The following ZNF101 variants were observed in gnomAD, a reference collection of about 807,000 sequenced individuals.
ZNF101 encodes zinc finger protein 101, also known as zinc finger protein 101 (Y2).
ZNF101 carries 34 observed loss-of-function variants against 42.6 expected under a neutral mutation model. The ratio of observed to expected loss-of-function variants is 0.80; its 90% CI spans 0.61 to 1.06. The LOEUF is 1.06. Ranked by LOEUF, ZNF101 falls within the 50% of genes least tolerant of loss-of-function variation. The pLI is 0.00. For missense variants in ZNF101, 466 were observed against 530.9 expected (o/e 0.88, Z 1.20); for synonymous variants, 158 against 183.9 (o/e 0.86, Z 1.14).
In ZNF101 at chr19:19,680,781, G is replaced by C. The variant is rs1429112808; in HGVS notation, c.*481G>C. Reference sequence around the variant, plus strand: ...CTAAAAATACAAAAATTAGCCAGGCGTGGTGGTGTGTGCCTGTAGTCCCAG... The same window carrying C: ...CTAAAAATACAAAAATTAGCCAGGCCTGGTGGTGTGTGCCTGTAGTCCCAG... On this transcript the variant is annotated 3_prime_UTR_variant, in exon 4 of 4. Transcript: ENST00000592502. 3.3e-5 allele frequency: 5 copies of C among 150,436 alleles called. No individual in the cohort carries two copies. The Admixed American group carries it at 3.3e-4, about 10-fold the overall frequency. 9.3% of individuals were successfully genotyped at this position (150,436 alleles called of 1,614,324 possible).
At chr19:19,678,655 G>T in intron 2 of ZNF101, 71 bp from the exon 3 acceptor site, 3 of 1,290,886 alleles carry the variant, frequency 2.3e-6, no homozygotes, top group Non-Finnish European at 3.2e-6. Flanking sequence ...AGTGTTTAAT[G>T]AACTTAGAAC....
chr19:19,668,631 G>A (rs1032781360), upstream of ZNF101, among the ~76,000 whole-genome samples: 1 of 152,210 alleles, frequency 6.6e-6, no homozygotes, highest in East Asian at 1.9e-4. Flanking sequence ...CCAGCGAGGG[G>A]CTGTGGGTAG....
Position 19,679,603 on chromosome 19 carries a change from C to T in ZNF101, c.614C>T (p.Ala205Val). 1 of 1,613,300 alleles carries T rather than the reference C, an allele frequency of 6.2e-7. No homozygotes were observed. Among genetic ancestry groups the T allele is most frequent in the Non-Finnish European group, 8.5e-7 (1 of 1,179,582 alleles). Reference sequence around the variant, plus strand: ...TATAAATGTAGGGAAATAGTGAGAGCCTTCACAGTTTCCAGTTTCTTTCGA... The same window carrying T: ...TATAAATGTAGGGAAATAGTGAGAGTCTTCACAGTTTCCAGTTTCTTTCGA... ...RSYKCREIVR[A>V]FTVSSFFRKH... Residue 205 changes from alanine to valine, a missense_variant, in exon 4 of 4, where the codon GCC becomes GTC. Ala to Val is a moderately conservative substitution (Grantham distance 64, BLOSUM62 0). Transcript: ENST00000592502.
rs368627893 is a variant in ZNF101, at chr19:19,680,261, T to C, written c.1272T>C (p.Phe424=). Residue 424 remains phenylalanine, a synonymous_variant, in exon 4 of 4, where the codon TTT becomes TTC. Transcript: ENST00000592502. Reference sequence around the variant, plus strand: ...ATTTGGCCGGGCGTAGCCAGTGCTTTGGCAGGAGGCAGGGGGATCACCTGA... The same window carrying C: ...ATTTGGCCGGGCGTAGCCAGTGCTTCGGCAGGAGGCAGGGGGATCACCTGA... The part of the protein sequence containing the change: ...RTHLAGRSQC[F]GRRQGDHLSP... 2 of 1,541,714 alleles carry C rather than the reference T, an allele frequency of 1.3e-6. No homozygotes were observed. The highest frequency in any genetic ancestry group is 2.8e-5 in the African/African-American group (2 of 72,312).
rs1568434852 is a variant in ZNF101, at chr19:19,668,948, C to CA, written c.-15dup. Reference sequence around the variant, plus strand: ...CTCCAGCCCCAGGAAGGACCCAGGACACCCGGAAGCCGGAAATGGTGAGCG... The same window carrying CA: ...CTCCAGCCCCAGGAAGGACCCAGGACAACCCGGAAGCCGGAAATGGTGAGCG... On this transcript the variant is annotated 5_prime_UTR_variant, in exon 1 of 4. Coordinates refer to ENST00000592502, the MANE Select transcript of ZNF101 (RefSeq NM_033204.4). 9.4e-6 allele frequency: 15 copies of CA among 1,587,820 alleles called. No individual in the cohort carries two copies. The highest frequency in any genetic ancestry group is 1.2e-5 in the Non-Finnish European group (14 of 1,167,694).
In ZNF101 at chr19:19,673,897, G is replaced by T. The variant is rs565976629; in HGVS notation, c.4-3967G>T. Among the ~76,000 whole-genome samples, 4 of 151,504 alleles carry T rather than the reference G, an allele frequency of 2.6e-5. No individual in the cohort carries two copies. In the South Asian group the frequency reaches 6.3e-4, roughly 24 times the overall value. On this transcript the variant is annotated intron_variant, in intron 1 of 3. Coordinates refer to ENST00000592502, the MANE Select transcript of ZNF101 (RefSeq NM_033204.4). ...CAACCTCTGTCTCCTGAGTTCAAGC[G>T]ATTCTCCTGCCTCAGCCTCCCAAGT... is the stretch of plus-strand genomic sequence containing the variant.
chr19:19,668,762 A>T, upstream of ZNF101: 2 of 578,228 alleles, frequency 3.5e-6, no homozygotes, highest in Non-Finnish European at 5.8e-6. Flanking sequence ...GCTGTGCGGC[A>T]AACTGTCCAA....
intron 1 of ZNF101, among the ~76,000 whole-genome samples, chr19:19,671,687 G>T (rs1425409564): frequency 6.6e-6 from 1 of 152,022 alleles, no homozygotes; most frequent in Non-Finnish European, 1.5e-5. Flanking sequence ...TTTTAGTAGA[G>T]ACGGGGTTTC....
chr19:19,679,369 A>T lies in ZNF101; in HGVS notation c.380A>T (p.His127Leu). The T allele has an allele frequency of 6.2e-7, 1 of 1,614,136 alleles. No homozygotes were observed. The highest frequency in any genetic ancestry group is 8.5e-7 in the Non-Finnish European group (1 of 1,180,024). The change falls in exon 4 of 4, where the codon CAC becomes CTC. Residue 127 changes from histidine to leucine, a missense_variant. Coordinates refer to ENST00000592502, the MANE Select transcript of ZNF101 (RefSeq NM_033204.4). ...AGGCACATGAGAGCTCATGCTGGAC[A>T]CAAACGATCTGAGTGTGGTGGGGAA... is the stretch of plus-strand genomic sequence containing the variant. ...LDRHMRAHAG[H>L]KRSECGGEWR...
At chr19:19,670,585 C>G (rs1324239411) in intron 1 of ZNF101, among the ~76,000 whole-genome samples, 3 of 151,912 alleles carry the variant, frequency 2.0e-5, no homozygotes, top group Admixed American at 6.6e-5. Context: ...GGCGAGACCC[C>G]ATTTCTACAA....
chr19:19,672,155 T>A (rs2062174682), intron 1 of ZNF101: 1 of 148,502 alleles, frequency 6.7e-6, no homozygotes. Context: ...ATAAATTTTA[T>A]GTATGATTAT....
Position 19,679,851 on chromosome 19 carries a change from G to C in ZNF101, c.862G>C (p.Gly288Arg), listed in dbSNP as rs1331359055. ...LEKSHQCQEC[G>R]KKLSCSSSLH... ...GAAATCCCACCAATGTCAGGAATGTGGGAAAAAACTCAGTTGTTCCAGTTC... is the reference window on the plus strand; with the variant it reads ...GAAATCCCACCAATGTCAGGAATGTCGGAAAAAACTCAGTTGTTCCAGTTC... The change falls in exon 4 of 4, where the codon GGG (glycine) becomes CGG (arginine). Residue 288 changes from glycine to arginine, a missense_variant. Gly to Arg is a moderately radical substitution (Grantham distance 125). Transcript: ENST00000592502. The C allele has an allele frequency of 6.2e-7, 1 of 1,614,012 alleles. No homozygotes were observed. The highest frequency in any genetic ancestry group is 1.7e-5 in the Admixed American group (1 of 60,000).
At chr19:19,678,163 G>A (rs1199212093) in intron 2 of ZNF101, among the ~76,000 whole-genome samples, 173 bp downstream of exon 2, 1 of 151,656 alleles carries the variant, frequency 6.6e-6, no homozygotes, top group Non-Finnish European at 1.5e-5. Context: ...AAGCCACGGT[G>A]GGAAGATTGC....
intron 1 of ZNF101, chr19:19,676,937 A>G (rs2062206115): frequency 6.6e-6 from 1 of 152,144 alleles, no homozygotes; most frequent in Non-Finnish European, 1.5e-5. Flanking sequence ...ACCCAGCTGT[A>G]TTGGGTATTT....
At chr19:19,672,714 A>C (rs562531580) in intron 1 of ZNF101, among the ~76,000 whole-genome samples, 2 of 152,034 alleles carry the variant, frequency 1.3e-5, no homozygotes, top group Non-Finnish European at 2.9e-5. Flanking sequence ...TTTAGTAGAC[A>C]CGGGGTTTCA....
rs1278475380 is a variant in ZNF101, at chr19:19,679,311, G to A, written c.322G>A (p.Gly108Arg). ...GAAACCATGCAAATGCAGCGTGTGTGGGAAAGTCTTCCTCCGTCATTCATT... is the reference window on the plus strand; with the variant it reads ...GAAACCATGCAAATGCAGCGTGTGTAGGAAAGTCTTCCTCCGTCATTCATT... Reference protein sequence around the residue: ...GVKPCKCSVCGKVFLRHSFLD... With the variant: ...GVKPCKCSVCRKVFLRHSFLD... Residue 108 changes from glycine (G) to arginine (R), a missense_variant, in exon 4 of 4, where the codon GGG becomes AGG. Physicochemically the swap from Gly to Arg is moderately radical, Grantham distance 125 (BLOSUM62 -2). Transcript: ENST00000592502. 1.2e-6 allele frequency: 2 copies of A among 1,614,152 alleles called. No homozygotes were observed. Among genetic ancestry groups the A allele is most frequent in the African/African-American group, 1.3e-5 (1 of 75,042 alleles).
Position 19,679,837 on chromosome 19 carries a change from A to G in ZNF101, c.848A>G (p.Gln283Arg). 6.2e-7 allele frequency: 1 copy of G among 1,614,064 alleles called. No individual in the cohort carries two copies. The highest frequency in any genetic ancestry group is 1.1e-5 in the South Asian group (1 of 91,078). ...TCTCACGCGCTGGAGAAATCCCACCAATGTCAGGAATGTGGGAAAAAACTC... is the reference window on the plus strand; with the variant it reads ...TCTCACGCGCTGGAGAAATCCCACCGATGTCAGGAATGTGGGAAAAAACTC... ...IRSHALEKSHQCQECGKKLSC... is the reference protein window; with the variant it reads ...IRSHALEKSHRCQECGKKLSC... Residue 283 changes from glutamine (Q) to arginine (R), a missense_variant, in exon 4 of 4, where the codon CAA (glutamine) becomes CGA (arginine). Gln to Arg is a conservative substitution (Grantham distance 43, BLOSUM62 1). Transcript: ENST00000592502.
intron 1 of ZNF101, chr19:19,676,636 A>AT (rs35951135): frequency 0.07 from 9,890 of 140,614 alleles, 416 homozygotes; most frequent in South Asian, 0.13. Flanking sequence ...TGTTTTGGGG[A>AT]TTTTTTTTTT....
In ZNF101 at chr19:19,682,848, T is replaced by C. The variant is rs1338228675; in HGVS notation, c.*2548T>C. On this transcript the variant is annotated 3_prime_UTR_variant, in exon 4 of 4. Transcript: ENST00000592502. The stretch of plus-strand genomic sequence containing the variant: ...GTTTTCTTTTGTTTTTGAGACTGAG[T>C]CTTGCTCTGTCGCCAGGCTGAAGTG... 3.9e-5 allele frequency: 6 copies of C among 152,084 alleles called. No individual in the cohort carries two copies. Among genetic ancestry groups the C allele is most frequent in the Non-Finnish European group, 8.8e-5 (6 of 68,028 alleles). 9.4% of individuals were successfully genotyped at this position (152,084 alleles called of 1,614,324 possible).
Sources: gnomAD v4.1 joint callset for allele counts (sites outside exome capture counted in the v4.1 genomes callset) on GRCh38, gnomAD v4.1.1 for gene constraint, MANE v1.5 for transcripts, NCBI Gene and HGNC (gene_info 2026-07-23, HGNC 2026-07-21) for gene names.